The following FYB1 variants were observed in gnomAD, a reference collection of about 807,000 sequenced individuals.
FYB1 encodes the protein FYN binding protein 1, also known as FYN-binding protein 1.
Under a neutral mutation model 94.1 loss-of-function variants are expected in FYB1, and 41 were observed. That is an observed-to-expected ratio of 0.44 (90% CI 0.34 to 0.57). FYB1 has a LOEUF of 0.57. FYB1 is among the 20% of genes least tolerant of loss of function. FYB1 has a pLI of 0.02. For synonymous variants in FYB1, 367 were observed against 353.2 expected (o/e 1.04, Z -0.44); for missense variants, 1,050 against 976.8 (o/e 1.07, Z -1.00).
chr5:39,174,364 A>G (rs943723026), intron 2 of FYB1, among the ~76,000 whole-genome samples: 1 of 152,310 alleles, frequency 6.6e-6, no homozygotes, highest in Non-Finnish European at 1.5e-5. Flanking sequence ...CTGTTCCTAG[A>G]GATAGAACCA....
chr5:39,204,287 C>T (rs1748646628), intron 1 of FYB1, among the ~76,000 whole-genome samples: 1 of 152,154 alleles, frequency 6.6e-6, no homozygotes, highest in Non-Finnish European at 1.5e-5. Context: ...ATCATCCCGT[C>T]TCATTCTTAC....
chr5:39,235,624 A>C (rs888067458), intron 1 of FYB1, among the ~76,000 whole-genome samples: 12 of 151,068 alleles, frequency 7.9e-5, no homozygotes, highest in East Asian at 5.8e-4. Context: ...GATATATAGG[A>C]GCTGCCATTT....
intron 1 of FYB1, among the ~76,000 whole-genome samples, chr5:39,226,122 C>T (rs925670490): frequency 5.3e-5 from 8 of 152,156 alleles, no homozygotes; most frequent in African/African-American, 1.4e-4. Context: ...GACTGAAATG[C>T]GAGCTGAGGA....
chr5:39,165,276 T>C (rs940717426), intron 2 of FYB1, among the ~76,000 whole-genome samples: 8 of 152,094 alleles, frequency 5.3e-5, no homozygotes, highest in African/African-American at 1.7e-4. Flanking sequence ...GGCATGGCAC[T>C]GGTATAAAAA....
chr5:39,255,430 GTTT>G (rs113241046), intron 1 of FYB1, among the ~76,000 whole-genome samples: 3 of 142,892 alleles, frequency 2.1e-5, no homozygotes, highest in South Asian at 2.2e-4. Flanking sequence ...CCATTCACCT[GTTT>G]TTTTTTTTTT....
At chr5:39,184,472 A>T (rs1483354976) in intron 2 of FYB1, among the ~76,000 whole-genome samples, 1 of 152,228 alleles carries the variant, frequency 6.6e-6, no homozygotes, top group Non-Finnish European at 1.5e-5. Context: ...GAGTTTGAAC[A>T]TGAAAATCCT....
At chr5:39,201,182 T>C (rs1748284353) in intron 2 of FYB1, among the ~76,000 whole-genome samples, 1 of 152,202 alleles carries the variant, frequency 6.6e-6, no homozygotes, top group African/African-American at 2.4e-5. Context: ...AATACTGGGC[T>C]TAGGAAACAT....
chr5:39,206,035 A>C (rs1430177193), intron 1 of FYB1, among the ~76,000 whole-genome samples: 1 of 152,200 alleles, frequency 6.6e-6, no homozygotes, highest in Non-Finnish European at 1.5e-5. Context: ...CCAAATTCCG[A>C]AGTTACAATC....
At chr5:39,206,259 A>G (rs371718264) in intron 1 of FYB1, among the ~76,000 whole-genome samples, 1 of 152,296 alleles carries the variant, frequency 6.6e-6, no homozygotes, top group East Asian at 1.9e-4. Flanking sequence ...AGTAGCCTGA[A>G]CTCTGCAACT....
chr5:39,228,134 CT>C (rs1231311313), intron 1 of FYB1, among the ~76,000 whole-genome samples: 1 of 152,156 alleles, frequency 6.6e-6, no homozygotes, highest in Non-Finnish European at 1.5e-5. Flanking sequence ...CTTCTAGGAT[CT>C]GGGGTCCTGG....
chr5:39,194,712 G>T (rs180809029), intron 2 of FYB1, among the ~76,000 whole-genome samples: 2 of 152,160 alleles, frequency 1.3e-5, no homozygotes, highest in Non-Finnish European at 2.9e-5. Flanking sequence ...ATTAATAGGG[G>T]TAGTTCGTAA....
chr5:39,243,178 C>T (rs1469312089), intron 1 of FYB1, among the ~76,000 whole-genome samples: 1 of 151,854 alleles, frequency 6.6e-6, no homozygotes, highest in Admixed American at 6.6e-5. Context: ...GCTTTTGTTG[C>T]CATTGCTTTT....
intron 1 of FYB1, among the ~76,000 whole-genome samples, chr5:39,267,894 T>G (rs1335650480): frequency 6.6e-6 from 1 of 152,212 alleles, no homozygotes; most frequent in African/African-American, 2.4e-5. Context: ...AAAAAATGCT[T>G]GTGACAGTCT....
intron 2 of FYB1, among the ~76,000 whole-genome samples, chr5:39,160,470 G>C (rs1366303567): frequency 6.6e-6 from 1 of 152,134 alleles, no homozygotes; most frequent in African/African-American, 2.4e-5. Flanking sequence ...TACCCCAGTA[G>C]GCACCAAAAC....
intron 1 of FYB1, among the ~76,000 whole-genome samples, chr5:39,234,060 A>C (rs1750856654): frequency 1.3e-5 from 2 of 152,082 alleles, no homozygotes; most frequent in South Asian, 4.1e-4. Flanking sequence ...AAGTAAACTG[A>C]CTGTGAACGC....
Position 39,139,269 on chromosome 5 carries a change from A to C in FYB1, c.1340-17T>G. 7.0e-7 allele frequency: 1 copy of C among 1,436,216 alleles called. No individual in the cohort carries two copies. Among genetic ancestry groups the C allele is most frequent in the Non-Finnish European group, 9.4e-7 (1 of 1,060,864 alleles). 89.0% of individuals were successfully genotyped at this position (1,436,216 alleles called of 1,614,324 possible). On this transcript the variant is annotated splice_polypyrimidine_tract_variant and intron_variant, in intron 4 of 18. Transcript: ENST00000512982. ...TTCCAGCACCTAAAAGATTAAAAAAATAAAATTTAATACATTTGTAATAAG... is the reference window on the plus strand; with the variant it reads ...TTCCAGCACCTAAAAGATTAAAAAACTAAAATTTAATACATTTGTAATAAG...
chr5:39,163,195 T>G (rs1744418106), intron 2 of FYB1, among the ~76,000 whole-genome samples: 1 of 152,204 alleles, frequency 6.6e-6, no homozygotes, highest in African/African-American at 2.4e-5. Context: ...GCTCTTATCT[T>G]CAAAGGATTT....
intron 1 of FYB1, among the ~76,000 whole-genome samples, chr5:39,242,687 C>T (rs266895): frequency 0.83 from 125,578 of 152,042 alleles, 51,895 homozygotes; most frequent in East Asian, 0.85. Flanking sequence ...ATGGTATTTC[C>T]AGTTCTAGAT....
rs556162161 is a variant in FYB1, at chr5:39,159,929, G to T, written c.1136-6325C>A. 2.6e-5 allele frequency among the ~76,000 whole-genome samples: 4 copies of T among 152,148 alleles called. No individual in the cohort carries two copies. The East Asian group carries it at 5.8e-4, about 22-fold the overall frequency. On this transcript the variant is annotated intron_variant, in intron 2 of 18. Transcript: ENST00000512982. ...GTCTGATATCTTCAACTCTATAGAA[G>T]AACAACAGTATCCTTTTTTAACCTC...
Sources: allele counts gnomAD v4.1 joint callset (sites outside exome capture counted in the v4.1 genomes callset), GRCh38; gene constraint gnomAD v4.1.1; transcripts MANE v1.5; gene names NCBI Gene and HGNC (gene_info 2026-07-23, HGNC 2026-07-21).